The following NRTN variants were observed in gnomAD, a reference collection of about 807,000 sequenced individuals.
NRTN encodes neurturin.
In NRTN, 3 loss-of-function variants were observed where a neutral mutation model predicts 7.5. The observed-to-expected ratio is 0.40, with a 90% confidence interval of 0.18 to 1.03. The LOEUF (loss-of-function observed/expected upper bound fraction) is 1.03. Among genes scored for constraint, NRTN ranks in the 50% least tolerant of loss-of-function variants. The probability of loss-of-function intolerance (pLI) is 0.34; values close to 1 mark genes in which losing one functional copy is unlikely to be tolerated. For missense variants in NRTN, 310 were observed against 307.0 expected, an observed-to-expected ratio of 1.01 and a Z score of -0.07; for synonymous variants, 157 against 146.6, an observed-to-expected ratio of 1.07 and a Z score of -0.51.
chr19:5,827,793 G>C lies in NRTN; in HGVS notation c.214G>C (p.Glu72Gln). Residue 72 changes from glutamate to glutamine, a missense_variant, in exon 3 of 3, where the codon GAG becomes CAG. By Grantham distance (29) the Glu-to-Gln change is conservative. Transcript: ENST00000303212. ...GGCCCCGGATGCGATGGAGCTGCGC[G>C]AGCTGACGCCCTGGGCTGGGCGGCC... is the stretch of plus-strand genomic sequence containing the variant. ...QGAPDAMELR[E>Q]LTPWAGRPPG... 8.3e-7 allele frequency: 1 copy of C among 1,204,800 alleles called. No individual in the cohort carries two copies. Among genetic ancestry groups the C allele is most frequent in the South Asian group, 3.9e-5 (1 of 25,718 alleles). 74.6% of individuals were successfully genotyped at this position (1,204,800 alleles called of 1,614,324 possible).
chr19:5,824,183 G>T lies in NRTN; in HGVS notation c.18G>T (p.Ala6=). The change falls in exon 2 of 3, where the codon GCG becomes GCT. Residue 6 remains alanine (A), a synonymous_variant. Coordinates refer to ENST00000303212, the MANE Select transcript of NRTN (RefSeq NM_004558.5). MQRWK[A]AALASVLCSS... is the part of the protein sequence containing the mutation. Reference sequence around the variant, plus strand: ...GGCTGAGGATGCAGCGCTGGAAGGCGGCGGCCTTGGCCTCAGTGCTCTGCA... The same window carrying T: ...GGCTGAGGATGCAGCGCTGGAAGGCTGCGGCCTTGGCCTCAGTGCTCTGCA... The T allele has an allele frequency of 6.2e-7, 1 of 1,609,612 alleles. No individual in the cohort carries two copies.
At chr19:5,819,599 G>A (rs2057016394) in intron 1 of NRTN, among the ~76,000 whole-genome samples, 1 of 151,740 alleles carries the variant, frequency 6.6e-6, no homozygotes, top group African/African-American at 2.4e-5. Flanking sequence ...GGAGGTGGAG[G>A]TTGCAGTGAG....
At chr19:5,810,786 G>A (rs2056988095) in intron 1 of NRTN, among the ~76,000 whole-genome samples, 1 of 151,408 alleles carries the variant, frequency 6.6e-6, no homozygotes, top group Non-Finnish European at 1.5e-5. Context: ...AAAATTAGCT[G>A]GACATGGTGG....
At chr19:5,822,450 C>T (rs1233594167) in intron 1 of NRTN, among the ~76,000 whole-genome samples, 1 of 152,198 alleles carries the variant, frequency 6.6e-6, no homozygotes, top group African/African-American at 2.4e-5. Context: ...GGCTGGGGGC[C>T]GCGGGACGCT....
intron 2 of NRTN, 62 bp downstream of exon 2, chr19:5,824,396 T>C: frequency 2.6e-6 from 4 of 1,534,920 alleles, no homozygotes; most frequent in Non-Finnish European, 3.5e-6. Context: ...TTTCAGGCAG[T>C]GGAGTGGGAG....
chr19:5,822,400 C>T (rs574629957), intron 1 of NRTN, among the ~76,000 whole-genome samples: 1 of 152,318 alleles, frequency 6.6e-6, no homozygotes, highest in South Asian at 2.1e-4. Context: ...GGCTCCACGC[C>T]GCCCCACACT....
chr19:5,818,110 CCCA>C lies in NRTN; in HGVS notation c.-398-5650_-398-5648del, dbSNP rs531213514. ...TCCCGAGTAGCTGAGATTACAGGCG[CCCA>C]CCACCACACCCGGCTAATTTTTGTA... is the stretch of plus-strand genomic sequence containing the variant. On this transcript the variant is annotated intron_variant, in intron 1 of 2. Coordinates refer to ENST00000303212, the MANE Select transcript of NRTN (RefSeq NM_004558.5). Among the ~76,000 whole-genome samples, 416 of 152,144 alleles carry C rather than the reference CCCA, an allele frequency of 2.7e-3. 1 individual carries two copies. Among genetic ancestry groups the C allele is most frequent in the Non-Finnish European group, 4.2e-3 (284 of 68,014 alleles).
intron 1 of NRTN, among the ~76,000 whole-genome samples, 137 bp downstream of exon 1, chr19:5,805,588 T>G (rs932309472): frequency 6.9e-6 from 1 of 145,116 alleles, no homozygotes; most frequent in African/African-American, 2.6e-5. Context: ...AACCAGCGGG[T>G]GTATGAGGGT....
intron 1 of NRTN, among the ~76,000 whole-genome samples, chr19:5,819,856 G>GAA (rs372188986): frequency 6.9e-6 from 1 of 145,692 alleles, no homozygotes; most frequent in African/African-American, 2.5e-5. Flanking sequence ...TCTCAAGAAA[G>GAA]AAAAAAAAAA....
intron 1 of NRTN, among the ~76,000 whole-genome samples, chr19:5,815,978 C>T (rs1184424868): frequency 6.6e-6 from 1 of 152,146 alleles, no homozygotes; most frequent in African/African-American, 2.4e-5. Flanking sequence ...CTCCTGACTT[C>T]AAGTGATCCA....
At chr19:5,820,294 C>T (rs1429258263) in intron 1 of NRTN, among the ~76,000 whole-genome samples, 3 of 136,822 alleles carry the variant, frequency 2.2e-5, no homozygotes, top group African/African-American at 8.9e-5. Context: ...TTGCCGGGCA[C>T]GGTGGCTCAC....
intron 1 of NRTN, among the ~76,000 whole-genome samples, chr19:5,812,397 G>A (rs1336697998): frequency 1.3e-5 from 2 of 152,150 alleles, no homozygotes; most frequent in Non-Finnish European, 2.9e-5. Flanking sequence ...TTCTGTGCTG[G>A]GGGAAGAAGA....
intron 2 of NRTN, 149 bp from the exon 3 acceptor site, chr19:5,827,600 A>C: frequency 7.6e-6 from 2 of 262,722 alleles, no homozygotes; most frequent in Non-Finnish European, 1.3e-5. Flanking sequence ...AGGGTGGGGA[A>C]ATTTGGGACC....
chr19:5,812,106 C>T (rs529107483), intron 1 of NRTN, among the ~76,000 whole-genome samples: 153 of 150,582 alleles, frequency 1.0e-3, no homozygotes, highest in South Asian at 5.5e-3. Flanking sequence ...CTCCTGACCT[C>T]GTGATCCACC....
chr19:5,822,860 A>C (rs1288339853), intron 1 of NRTN, among the ~76,000 whole-genome samples: 1 of 152,024 alleles, frequency 6.6e-6, no homozygotes, highest in Non-Finnish European at 1.5e-5. Context: ...AAAAACAAAA[A>C]AAATTAAAAA....
chr19:5,809,441 G>A (rs2056983482), intron 1 of NRTN, among the ~76,000 whole-genome samples: 2 of 151,944 alleles, frequency 1.3e-5, no homozygotes, highest in Admixed American at 1.3e-4. Context: ...CAAAGTGCTG[G>A]GATTCCAAGC....
At position 5,815,344 on chromosome 19, in the gene NRTN, AGT is replaced by A. The variant is rs139182799; in HGVS notation, c.-398-8408_-398-8407del. On this transcript the variant is annotated intron_variant, in intron 1 of 2. Coordinates refer to ENST00000303212, the MANE Select transcript of NRTN (RefSeq NM_004558.5). ...TGGTTTTTCACTGTGGGGTTGTTCA[AGT>A]GTGTGTGTGTGTGTGCAAACACCAG... Among the ~76,000 whole-genome samples, 471 of 150,082 alleles carry A rather than the reference AGT, an allele frequency of 3.1e-3. 3 individuals carry two copies. Among genetic ancestry groups the A allele is most frequent in the East Asian group, 0.029 (147 of 5,110 alleles).
chr19:5,827,085 A>G (rs1348830535), intron 2 of NRTN, among the ~76,000 whole-genome samples: 1 of 152,108 alleles, frequency 6.6e-6, no homozygotes, highest in African/African-American at 2.4e-5. Context: ...CATTCTGAGA[A>G]ACCCAAACAC....
chr19:5,809,188 T>C (rs983208221), intron 1 of NRTN, among the ~76,000 whole-genome samples: 129 of 150,838 alleles, frequency 8.6e-4, no homozygotes, highest in African/African-American at 2.9e-3. Context: ...TTTTTTTTTT[T>C]CTGAGACGGT....
Sources: allele counts gnomAD v4.1 joint callset (sites outside exome capture counted in the v4.1 genomes callset), GRCh38; gene constraint gnomAD v4.1.1; transcripts MANE v1.5; gene names NCBI Gene and HGNC (gene_info 2026-07-23, HGNC 2026-07-21).